The following HIVEP3 variants were observed in gnomAD, a reference collection of about 807,000 sequenced individuals.
HIVEP3 encodes the protein transcription factor HIVEP3.
In HIVEP3, 49 loss-of-function variants were observed where a neutral mutation model predicts 152.8. The observed-to-expected ratio is 0.32, with a 90% CI of 0.26 to 0.41. The LOEUF (loss-of-function observed/expected upper bound fraction) is 0.41, where lower values mean the gene tolerates loss of function less well. Ranked by LOEUF, HIVEP3 falls within the 10% of genes least tolerant of loss-of-function variation. The probability of loss-of-function intolerance (pLI) is 1.00; values close to 1 mark genes in which losing one functional copy is unlikely to be tolerated. For missense variants in HIVEP3, 2,790 were observed against 3,103.3 expected, an observed-to-expected ratio of 0.90 and a Z score of 2.40; for synonymous variants, 1,269 against 1,289.0, an observed-to-expected ratio of 0.98 and a Z score of 0.33.
chr1:41,838,200 C>T (rs919930938), intron 1 of HIVEP3, among the ~76,000 whole-genome samples: 1 of 152,178 alleles, frequency 6.6e-6, no homozygotes, highest in African/African-American at 2.4e-5. Flanking sequence ...ACTTTTCCCT[C>T]ATTTTCCCCC....
intron 6 of HIVEP3, among the ~76,000 whole-genome samples, chr1:41,521,307 A>G (rs1252734944): frequency 1.3e-5 from 2 of 152,150 alleles, no homozygotes; most frequent in African/African-American, 4.8e-5. Context: ...GTGTGGAGGA[A>G]GAGATGCTAA....
At chr1:41,705,087 CA>C (rs1252986075) in intron 1 of HIVEP3, among the ~76,000 whole-genome samples, 1 of 152,242 alleles carries the variant, frequency 6.6e-6, no homozygotes, top group African/African-American at 2.4e-5. Flanking sequence ...ATTGAACCCT[CA>C]TGACAATCCT....
chr1:41,885,856 C>A (rs1042859481), intron 1 of HIVEP3, among the ~76,000 whole-genome samples: 1 of 145,364 alleles, frequency 6.9e-6, no homozygotes, highest in African/African-American at 2.5e-5. Flanking sequence ...ACAAGGTAAA[C>A]GAGCTTTCAA....
intron 2 of HIVEP3, among the ~76,000 whole-genome samples, chr1:41,683,250 G>C (rs1167601301): frequency 3.3e-5 from 5 of 152,220 alleles, no homozygotes; most frequent in Non-Finnish European, 7.3e-5. Flanking sequence ...CAGCTGGTAG[G>C]AAAAGAGCCT....
intron 1 of HIVEP3, among the ~76,000 whole-genome samples, chr1:41,904,714 A>T (rs1477891716): frequency 6.6e-6 from 1 of 152,180 alleles, no homozygotes; most frequent in African/African-American, 2.4e-5. Flanking sequence ...TGATTTCTCT[A>T]GTTCTTTTGA....
chr1:41,953,970 A>G (rs1429353120), intron 1 of HIVEP3, among the ~76,000 whole-genome samples: 1 of 152,226 alleles, frequency 6.6e-6, no homozygotes, highest in Non-Finnish European at 1.5e-5. Flanking sequence ...TGCAAAGCTC[A>G]GTATTCCATT....
chr1:41,688,986 C>T (rs767947440), intron 2 of HIVEP3, among the ~76,000 whole-genome samples: 1 of 152,198 alleles, frequency 6.6e-6, no homozygotes, highest in Non-Finnish European at 1.5e-5. Context: ...CGCGTCCTCA[C>T]CTTAACCTCA....
intron 3 of HIVEP3, among the ~76,000 whole-genome samples, chr1:41,626,776 C>A (rs1425392427): frequency 6.6e-6 from 1 of 152,138 alleles, no homozygotes; most frequent in Non-Finnish European, 1.5e-5. Context: ...TGGGGCATTA[C>A]AGCATGATCG....
intron 1 of HIVEP3, among the ~76,000 whole-genome samples, chr1:41,794,024 C>G (rs536509083): frequency 2.0e-5 from 3 of 152,286 alleles, no homozygotes; most frequent in Admixed American, 6.5e-5. Flanking sequence ...GCAAACAATA[C>G]AGTGAAGAGC....
chr1:41,812,299 C>T (rs1651008546), intron 1 of HIVEP3, among the ~76,000 whole-genome samples: 1 of 152,064 alleles, frequency 6.6e-6, no homozygotes, highest in African/African-American at 2.4e-5. Context: ...GGGCCGGGTG[C>T]AGTGGCTCAT....
At chr1:41,860,078 T>C (rs765376737) in intron 1 of HIVEP3, among the ~76,000 whole-genome samples, 3 of 152,216 alleles carry the variant, frequency 2.0e-5, no homozygotes, top group Non-Finnish European at 4.4e-5. Flanking sequence ...AAAGAAAAGA[T>C]GGCTTGCGGA....
At chr1:41,602,644 A>C (rs1310507205) in intron 3 of HIVEP3, among the ~76,000 whole-genome samples, 1 of 151,940 alleles carries the variant, frequency 6.6e-6, no homozygotes, top group East Asian at 1.9e-4. Context: ...AGCATAGCTA[A>C]TGATTTGTCA....
rs183393864 is a variant in HIVEP3, at chr1:41,648,274, G to A, written c.-720-19327C>T. On this transcript the variant is annotated intron_variant, in intron 2 of 8. Coordinates refer to ENST00000372583, the MANE Select transcript of HIVEP3 (RefSeq NM_024503.5). ...TCCTAGTCCGACAAAGGAAAATGGAGTTAATGCACCTCCTACCTGCTGGGC... is the reference window on the plus strand; with the variant it reads ...TCCTAGTCCGACAAAGGAAAATGGAATTAATGCACCTCCTACCTGCTGGGC... Among the ~76,000 whole-genome samples, 24 of 152,340 alleles carry A rather than the reference G, an allele frequency of 1.6e-4. No homozygotes were observed. In the East Asian group the frequency reaches 4.4e-3, roughly 28 times the overall value.
At chr1:41,979,795 T>A (rs1389045912) in intron 1 of HIVEP3, among the ~76,000 whole-genome samples, 2 of 152,222 alleles carry the variant, frequency 1.3e-5, no homozygotes, top group African/African-American at 4.8e-5. Flanking sequence ...CCTATAGATA[T>A]TTGGGAAAAT....
intron 3 of HIVEP3, among the ~76,000 whole-genome samples, chr1:41,592,974 T>A (rs1644609637): frequency 6.6e-6 from 1 of 152,118 alleles, no homozygotes; most frequent in African/African-American, 2.4e-5. Context: ...TGTCACCACC[T>A]CCACCCCTGT....
chr1:41,614,846 C>T lies in HIVEP3; in HGVS notation c.-522+13903G>A, dbSNP rs550691254. 5.3e-5 allele frequency among the ~76,000 whole-genome samples: 8 copies of T among 152,288 alleles called. No homozygotes were observed. The East Asian group carries it at 1.4e-3, about 26-fold the overall frequency. ...GTTCTGATGATACGCTGGCCAGTTC[C>T]TCAGAAAAAACAAAGCTCTTCTTGG... is the stretch of plus-strand genomic sequence containing the variant. On this transcript the variant is annotated intron_variant, in intron 3 of 8. Coordinates refer to ENST00000372583, the MANE Select transcript of HIVEP3 (RefSeq NM_024503.5).
chr1:41,847,541 T>C (rs990565613), intron 1 of HIVEP3: 4 of 152,248 alleles, frequency 2.6e-5, no homozygotes, highest in African/African-American at 9.6e-5. Flanking sequence ...TTTATTTGTC[T>C]ACACTTCCAA....
chr1:41,964,990 G>A (rs1385836954), intron 1 of HIVEP3, among the ~76,000 whole-genome samples: 1 of 152,212 alleles, frequency 6.6e-6, no homozygotes, highest in African/African-American at 2.4e-5. Flanking sequence ...GGGGTCACCA[G>A]ACATCTTATA....
At chr1:42,030,948 C>G (rs1204730695) in intron 1 of HIVEP3, among the ~76,000 whole-genome samples, 1 of 152,102 alleles carries the variant, frequency 6.6e-6, no homozygotes, top group Non-Finnish European at 1.5e-5. Context: ...ACAGATATAA[C>G]CTGAAAACAA....
Sources: allele counts gnomAD v4.1 joint callset (sites outside exome capture counted in the v4.1 genomes callset), GRCh38; gene constraint gnomAD v4.1.1; transcripts MANE v1.5; gene names NCBI Gene and HGNC (gene_info 2026-07-23, HGNC 2026-07-21).